Variants in DCAF4 observed in about 807,000 individuals in gnomAD.
DCAF4 encodes DDB1- and CUL4-associated factor 4.
A neutral mutation model predicts 60.9 loss-of-function variants in DCAF4; 37 were observed. The ratio of observed to expected loss-of-function variants is 0.61; its 90% CI spans 0.47 to 0.80. The LOEUF (loss-of-function observed/expected upper bound fraction) is 0.80, where lower values mean the gene tolerates loss of function less well. Among genes scored for constraint, DCAF4 ranks in the 30% least tolerant of loss-of-function variants. DCAF4 has a pLI of 0.00. For synonymous variants in DCAF4, 243 were observed against 254.8 expected, an observed-to-expected ratio of 0.95 and a Z score of 0.44; for missense variants, 577 against 650.0, an observed-to-expected ratio of 0.89 and a Z score of 1.22.
rs778771457 is a variant in DCAF4 at position 72,953,709 on chromosome 14, TAAAAAAAA to T, written c.809-438_809-431del. Among the ~76,000 whole-genome samples the T allele has an allele frequency of 7.1e-3, 71 of 10,050 alleles. 1 individual carries two copies. The highest frequency in any genetic ancestry group is 7.4e-3 in the African/African-American group (19 of 2,564). The allele number at this position is 10,050 out of a possible 152,430, so 6.6% of individuals were successfully genotyped here. A position where few individuals can be genotyped will look rare whatever the true frequency, so the allele number is the denominator to read the frequency against. On this transcript the variant is annotated intron_variant, in intron 9 of 13. Coordinates refer to ENST00000358377, the MANE Select transcript of DCAF4 (RefSeq NM_015604.4). ...TGGGCAAAAGAACAAGACCCTGTCT[TAAAAAAAA>T]AAAAAAAAAAAAAAAATATATATAT... is the stretch of plus-strand genomic sequence containing the variant.
At chr14:72,936,186 C>A (rs1220149148) in intron 1 of DCAF4, among the ~76,000 whole-genome samples, 1 of 152,214 alleles carries the variant, frequency 6.6e-6, no homozygotes. Context: ...CAACTGTATT[C>A]TTTAGCTGGG....
At position 72,942,477 on chromosome 14, in the gene DCAF4, C is replaced by T. The variant is rs187196614; in HGVS notation, c.432-517C>T. ...ACAGCCCTCGGACCTTGGAGCAGGGCCCCTTCAGGGAAGGCCAGAAACACC... is the reference window on the plus strand; with the variant it reads ...ACAGCCCTCGGACCTTGGAGCAGGGTCCCTTCAGGGAAGGCCAGAAACACC... On this transcript the variant is annotated intron_variant, in intron 5 of 13. Transcript: ENST00000358377. 3.2e-3 allele frequency: 494 copies of T among 156,046 alleles called. 3 individuals carry two copies. The highest frequency in any genetic ancestry group is 0.011 in the African/African-American group (471 of 41,618). 9.7% of individuals were successfully genotyped at this position (156,046 alleles called of 1,614,324 possible).
At chr14:72,960,277 GT>G (rs1325200883), downstream of DCAF4, among the ~76,000 whole-genome samples, 1 of 151,660 alleles carries the variant, frequency 6.6e-6, no homozygotes, top group African/African-American at 2.4e-5. Context: ...AGCCTCCCGA[GT>G]AGGTTGGATT....
At position 72,953,726 on chromosome 14, in the gene DCAF4, AAAAAAAATAT is replaced by A. The variant is rs1219649916; in HGVS notation, c.809-436_809-427del. On this transcript the variant is annotated intron_variant, in intron 9 of 13. Coordinates refer to ENST00000358377, the MANE Select transcript of DCAF4 (RefSeq NM_015604.4). Reference sequence around the variant, plus strand: ...CCCTGTCTTAAAAAAAAAAAAAAAAAAAAAAAATATATATATATATATATATATATATATA... The same window carrying A: ...CCCTGTCTTAAAAAAAAAAAAAAAAAATATATATATATATATATATATATA... Among the ~76,000 whole-genome samples the A allele has an allele frequency of 8.6e-3, 394 of 45,842 alleles. 31 individuals carry two copies. Among genetic ancestry groups the A allele is most frequent in the Non-Finnish European group, 0.012 (323 of 26,586 alleles). 30.1% of individuals were successfully genotyped at this position (45,842 alleles called of 152,430 possible).
At chr14:72,933,504 A>G (rs545973448) in intron 1 of DCAF4, among the ~76,000 whole-genome samples, 1 of 151,728 alleles carries the variant, frequency 6.6e-6, no homozygotes, top group African/African-American at 2.4e-5. Flanking sequence ...GGTTGCAGTG[A>G]GCCGAGATTG....
intron 1 of DCAF4, among the ~76,000 whole-genome samples, chr14:72,934,313 C>G (rs1178377555): frequency 6.6e-6 from 1 of 152,148 alleles, no homozygotes; most frequent in African/African-American, 2.4e-5. Context: ...ACTACCATGC[C>G]TGGCTAATTT....
intron 13 of DCAF4, chr14:72,956,994 C>T (rs1225966978): frequency 2.3e-5 from 4 of 173,328 alleles, no homozygotes; most frequent in Non-Finnish European, 3.7e-5. Flanking sequence ...GGGTGGATCA[C>T]GAGGTCAGGA....
chr14:72,949,873 C>T (rs1891198446), intron 8 of DCAF4, among the ~76,000 whole-genome samples: 3 of 152,162 alleles, frequency 2.0e-5, no homozygotes, highest in South Asian at 4.1e-4. Flanking sequence ...CAACACCTAT[C>T]GAGTATATGC....
intron 1 of DCAF4, among the ~76,000 whole-genome samples, chr14:72,927,340 GTTCTTTTTTTTT>G (rs1180780620): frequency 8.4e-6 from 1 of 119,090 alleles, no homozygotes; most frequent in African/African-American, 3.3e-5. Context: ...TCGCGGTGGT[GTTCTTTTTTTTT>G]TTTTTTTTTT....
At chr14:72,938,477 ATACACTCATG>A (rs1889594537) in intron 2 of DCAF4, among the ~76,000 whole-genome samples, 1 of 152,260 alleles carries the variant, frequency 6.6e-6, no homozygotes, top group African/African-American at 2.4e-5. Flanking sequence ...GGACAAGGAT[ATACACTCATG>A]CTTCGCTTAA....
chr14:72,940,029 A>G (rs760039912), intron 3 of DCAF4, 127 bp downstream of exon 3: 37 of 1,175,146 alleles, frequency 3.1e-5, no homozygotes, highest in Non-Finnish European at 4.2e-5. Flanking sequence ...TGCGTCAGGA[A>G]TGGTGGTCAT....
intron 6 of DCAF4, among the ~76,000 whole-genome samples, 172 bp downstream of exon 6, chr14:72,943,268 A>C (rs113144096): frequency 0.012 from 1,765 of 152,196 alleles, 33 homozygotes; most frequent in African/African-American, 0.041. Context: ...CCGCTGGGAG[A>C]CGCTGAGCTG....
At position 72,943,111 on chromosome 14, in the gene DCAF4, G is replaced by C. The variant is rs1890267402; in HGVS notation, c.534+15G>C. ...ACCTCATACTGGTGAGTGGGAGGGG[G>C]ACACCTGCCTAGGGTGTGGCTGCCA... On this transcript the variant is annotated intron_variant, in intron 6 of 13. Transcript: ENST00000358377. 6.2e-7 allele frequency: 1 copy of C among 1,609,530 alleles called. No individual in the cohort carries two copies. The highest frequency in any genetic ancestry group is 1.3e-5 in the African/African-American group (1 of 74,856).
chr14:72,940,440 G>A (rs1889877763), intron 4 of DCAF4, 63 bp downstream of exon 4: 1 of 1,517,436 alleles, frequency 6.6e-7, no homozygotes, highest in Non-Finnish European at 8.8e-7. Flanking sequence ...TCCATCCACT[G>A]TTGAAAAGGG....
chr14:72,955,803 G>A, intron 12 of DCAF4, 107 bp downstream of exon 12: 4 of 1,065,770 alleles, frequency 3.8e-6, no homozygotes, highest in African/African-American at 1.6e-5. Flanking sequence ...CCAGGCAGGG[G>A]AATTTCGCTG....
At chr14:72,939,284 A>G (rs1241134037) in intron 2 of DCAF4, among the ~76,000 whole-genome samples, 6 of 152,150 alleles carry the variant, frequency 3.9e-5, no homozygotes, top group Non-Finnish European at 8.8e-5. Context: ...GGATTTACAA[A>G]TCAAGTGTTT....
rs372672880 is a variant in DCAF4 at position 72,951,817 on chromosome 14, G to A, written c.748G>A (p.Ala250Thr). The change falls in exon 9 of 14, where the codon GCA (alanine) becomes ACA (threonine). Residue 250 changes from alanine to threonine, a missense_variant. Coordinates refer to ENST00000358377, the MANE Select transcript of DCAF4 (RefSeq NM_015604.4). ...TTCCAGGCTATGCCTCATGGGACTC[G>A]CAGAGACTCCAGGCTGTGCCACCCT... ...SHILLCLMGL[A>T]ETPGCATLLP... is the part of the protein sequence containing the mutation. 11 of 1,613,980 alleles carry A rather than the reference G, an allele frequency of 6.8e-6. No homozygotes were observed. Among genetic ancestry groups the A allele is most frequent in the Admixed American group, 1.7e-5 (1 of 59,986 alleles).
In DCAF4 at chr14:72,938,029, C is replaced by T; in HGVS notation, c.51C>T (p.His17=). The change falls in exon 2 of 14, where the codon CAC becomes CAT. Residue 17 remains histidine, a synonymous_variant. Coordinates refer to ENST00000358377, the MANE Select transcript of DCAF4 (RefSeq NM_015604.4). ...GAAGACGACATGGGAGAAGAAGCCA[C>T]CAGCAGAACCCTTGGTTCAGACTCC... ...QSRRRHGRRS[H]QQNPWFRLRD... 6.2e-7 allele frequency: 1 copy of T among 1,611,338 alleles called. No individual in the cohort carries two copies. The highest frequency in any genetic ancestry group is 8.5e-7 in the Non-Finnish European group (1 of 1,179,250).
chr14:72,948,231 A>C (rs1426973539), intron 8 of DCAF4, among the ~76,000 whole-genome samples: 3 of 152,128 alleles, frequency 2.0e-5, no homozygotes, highest in African/African-American at 7.2e-5. Flanking sequence ...CCTGTCACCC[A>C]GGCTGGAGTG....
Sources: gnomAD v4.1 joint callset for allele counts (sites outside exome capture counted in the v4.1 genomes callset) on GRCh38, gnomAD v4.1.1 for gene constraint, MANE v1.5 for transcripts, NCBI Gene and HGNC (gene_info 2026-07-23, HGNC 2026-07-21) for gene names.